The following GSE1 variants were observed in gnomAD, a reference collection of about 807,000 sequenced individuals.
GSE1 encodes Gse1 coiled-coil protein.
Under a neutral mutation model 112.6 loss-of-function variants are expected in GSE1, and 32 were observed. The observed-to-expected ratio is 0.28, with a 90% CI of 0.21 to 0.38. The LOEUF is 0.38. Ranked by LOEUF, GSE1 falls within the 10% of genes least tolerant of loss-of-function variation. The pLI is 1.00. For missense variants in GSE1, 2,348 were observed against 1,699.2 expected (o/e 1.38, Z -6.71); for synonymous variants, 1,115 against 735.6 (o/e 1.52, Z -8.35).
chr16:85,230,040 G>C (rs1416654043), intron 1 of GSE1, among the ~76,000 whole-genome samples: 1 of 152,222 alleles, frequency 6.6e-6, no homozygotes, highest in Non-Finnish European at 1.5e-5. Context: ...CAGGCTCTGT[G>C]GGGGGCAGGC....
intron 11 of GSE1, 89 bp from the exon 12 acceptor site, chr16:85,664,926 G>C (rs1598684200): frequency 1.2e-6 from 1 of 866,906 alleles, no homozygotes; most frequent in East Asian, 2.5e-5. Flanking sequence ...TGCTTTGCCT[G>C]CCCCTCAAGG....
At chr16:85,191,873 G>A (rs1163756608) in intron 1 of GSE1, among the ~76,000 whole-genome samples, 4 of 152,178 alleles carry the variant, frequency 2.6e-5, no homozygotes, top group African/African-American at 7.2e-5. Context: ...GTGGTGGGAC[G>A]GTCTGGGGGC....
chr16:85,467,917 C>T (rs1567511022), intron 2 of GSE1, among the ~76,000 whole-genome samples: 1 of 152,172 alleles, frequency 6.6e-6, no homozygotes. Context: ...TGAGCTGGGA[C>T]CTGAGACATC....
At position 85,617,603 on chromosome 16, in the gene GSE1, C is replaced by G. The variant is rs1048348644; in HGVS notation, c.7+4205C>G. On this transcript the variant is annotated intron_variant, in intron 1 of 15. Coordinates refer to ENST00000253458, the MANE Select transcript of GSE1 (RefSeq NM_014615.5). ...GCATCCGTGTGTCAACCCTCCCCCC[C>G]CCCCCCCCGTTAACTGCCACGTGCA... 2.5e-4 allele frequency among the ~76,000 whole-genome samples: 24 copies of G among 97,348 alleles called. 3 individuals carry two copies. Among genetic ancestry groups the G allele is most frequent in the East Asian group, 1.7e-3 (6 of 3,570 alleles). 63.9% of individuals were successfully genotyped at this position (97,348 alleles called of 152,430 possible).
At chr16:85,192,163 C>T (rs1255329484) in intron 1 of GSE1, among the ~76,000 whole-genome samples, 1 of 152,208 alleles carries the variant, frequency 6.6e-6, no homozygotes, top group African/African-American at 2.4e-5. Context: ...TGGGTGGGAC[C>T]ATGCTGTACA....
At chr16:85,605,790 C>T (rs895029121) in intron 1 of GSE1, among the ~76,000 whole-genome samples, 8 of 151,898 alleles carry the variant, frequency 5.3e-5, no homozygotes, top group East Asian at 1.9e-4. Flanking sequence ...GGGTGCTGCC[C>T]GTAGCGAGCC....
chr16:85,296,032 C>T lies in GSE1; in HGVS notation c.2284-61431C>T, dbSNP rs905557261. On this transcript the variant is annotated intron_variant, in intron 1 of 2. Transcript: ENST00000637419. ...AGGAAGCCGGCACCACAGCTCTCCTCGGAGCCAGTTTGGATCAGCTTTGCA... is the reference window on the plus strand; with the variant it reads ...AGGAAGCCGGCACCACAGCTCTCCTTGGAGCCAGTTTGGATCAGCTTTGCA... Among the ~76,000 whole-genome samples, 9 of 152,300 alleles carry T rather than the reference C, an allele frequency of 5.9e-5. No individual in the cohort carries two copies. In the South Asian group the frequency reaches 8.3e-4, roughly 14 times the overall value.
chr16:85,593,434 C>T (rs1454023723), intron 1 of GSE1: 2 of 152,466 alleles, frequency 1.3e-5, no homozygotes, highest in Non-Finnish European at 2.9e-5. Context: ...TTCCCTCTCC[C>T]AGGGGCCTGA....
chr16:85,555,708 CG>C (rs2151258767), upstream of GSE1: 1 of 901,846 alleles, frequency 1.1e-6, no homozygotes, highest in East Asian at 1.3e-4. Flanking sequence ...TGGTTCTGAA[CG>C]TGAAACCCTG....
chr16:85,395,796 G>T (rs1023073807), intron 2 of GSE1, among the ~76,000 whole-genome samples: 2 of 151,716 alleles, frequency 1.3e-5, no homozygotes, highest in African/African-American at 4.8e-5. Context: ...CCTCCTGGGC[G>T]CCCGCCCACC....
At chr16:85,632,466 C>G (rs1040882523) in intron 1 of GSE1, among the ~76,000 whole-genome samples, 1 of 152,184 alleles carries the variant, frequency 6.6e-6, no homozygotes, top group African/African-American at 2.4e-5. Flanking sequence ...TCCCTGAATA[C>G]ATGGCCAGGA....
chr16:85,436,699 G>A (rs973799399), intron 2 of GSE1, among the ~76,000 whole-genome samples: 4 of 152,224 alleles, frequency 2.6e-5, no homozygotes, highest in Non-Finnish European at 5.9e-5. Flanking sequence ...AACCCCGAAG[G>A]GCCCGTGGGC....
Position 85,575,054 on chromosome 16 carries a change from GC to G in GSE1, c.37+18697del, listed in dbSNP as rs1014963330. Among the ~76,000 whole-genome samples, 4 of 39,372 alleles carry G rather than the reference GC, an allele frequency of 1.0e-4. No individual in the cohort carries two copies. The Admixed American group carries it at 1.1e-3, about 11-fold the overall frequency. The allele number at this position is 39,372 out of a possible 152,430, so 25.8% of individuals were successfully genotyped here. ...CGGCTCCCCGCTCCCCCTCTCCCCCGCCCCCCGGCTTTTTACGCTCCAGTTA... is the reference window on the plus strand; with the variant it reads ...CGGCTCCCCGCTCCCCCTCTCCCCCGCCCCCGGCTTTTTACGCTCCAGTTA... On this transcript the variant is annotated intron_variant, in intron 1 of 2. Coordinates refer to the GSE1 transcript ENST00000635906.
intron 1 of GSE1, among the ~76,000 whole-genome samples, chr16:85,335,101 G>T (rs755002658): frequency 6.6e-6 from 1 of 152,196 alleles, no homozygotes; most frequent in Non-Finnish European, 1.5e-5. Context: ...CCGTGCCTGC[G>T]CATGTAATTA....
intron 1 of GSE1, among the ~76,000 whole-genome samples, chr16:85,324,977 GT>G (rs200187382): frequency 7.9e-5 from 12 of 151,610 alleles, no homozygotes; most frequent in Non-Finnish European, 1.5e-4. Context: ...ATTTTTATCC[GT>G]TTTTTTTGAG....
intron 1 of GSE1, among the ~76,000 whole-genome samples, chr16:85,241,518 C>CT (rs1905170002): frequency 6.6e-6 from 1 of 152,106 alleles, no homozygotes; most frequent in African/African-American, 2.4e-5. Context: ...TTTCAGAAAG[C>CT]TGGTGGTTAA....
At chr16:85,613,867 G>C (rs920009765) in intron 1 of GSE1, among the ~76,000 whole-genome samples, 1 of 148,840 alleles carries the variant, frequency 6.7e-6, no homozygotes, top group Non-Finnish European at 1.5e-5. Context: ...TGTGGGGGGG[G>C]GGGGTGCTCG....
At chr16:85,325,476 A>T (rs2046206908) in intron 1 of GSE1, among the ~76,000 whole-genome samples, 1 of 141,686 alleles carries the variant, frequency 7.1e-6, no homozygotes, top group South Asian at 2.1e-4. Context: ...TTTGAGACAG[A>T]GTTTCACTTT....
At chr16:85,475,207 C>G (rs933008810) in intron 2 of GSE1, among the ~76,000 whole-genome samples, 1 of 152,218 alleles carries the variant, frequency 6.6e-6, no homozygotes, top group East Asian at 1.9e-4. Flanking sequence ...CCTGCCTCCA[C>G]CAGCCCAGAC....
Sources: allele counts gnomAD v4.1 joint callset (sites outside exome capture counted in the v4.1 genomes callset), GRCh38; gene constraint gnomAD v4.1.1; transcripts MANE v1.5; gene names NCBI Gene and HGNC (gene_info 2026-07-23, HGNC 2026-07-21).